ACOXL: variants seen among roughly 807,000 people sequenced by gnomAD.
The protein encoded by ACOXL is acyl-CoA oxidase like.
A neutral mutation model predicts 71.9 loss-of-function variants in ACOXL; 70 were observed. The ratio of observed to expected loss-of-function variants is 0.97; its 90% CI spans 0.80 to 1.19. The LOEUF (loss-of-function observed/expected upper bound fraction) is 1.19. Ranked by LOEUF, ACOXL falls within the 50% of genes most tolerant of loss-of-function variation. The pLI, the probability that ACOXL is intolerant of heterozygous loss-of-function variation, is 0.00. For missense variants in ACOXL, 703 were observed against 736.3 expected, an observed-to-expected ratio of 0.95 and a Z score of 0.52; for synonymous variants, 253 against 281.6, an observed-to-expected ratio of 0.90 and a Z score of 1.02.
chr2:111,076,245 G>T (rs972952665), intron 16 of ACOXL, among the ~76,000 whole-genome samples: 2 of 151,962 alleles, frequency 1.3e-5, no homozygotes, highest in Non-Finnish European at 2.9e-5. Context: ...TTTCCATTCT[G>T]TCTGGTTTTT....
At chr2:111,072,238 TTCTC>T (rs1361703778) in intron 16 of ACOXL, among the ~76,000 whole-genome samples, 78 of 152,220 alleles carry the variant, frequency 5.1e-4, no homozygotes, top group Non-Finnish European at 4.4e-5. Context: ...TCCATAATTG[TTCTC>T]TCTCTCTTCC....
intron 17 of ACOXL, among the ~76,000 whole-genome samples, chr2:111,111,931 A>T (rs2069995026): frequency 6.6e-6 from 1 of 152,236 alleles, no homozygotes; most frequent in South Asian, 2.1e-4. Flanking sequence ...GACATTGTCA[A>T]AATACTTAGT....
intron 10 of ACOXL, among the ~76,000 whole-genome samples, chr2:110,896,679 A>G (rs2059022023): frequency 6.6e-6 from 1 of 152,202 alleles, no homozygotes; most frequent in Admixed American, 6.5e-5. Context: ...TCAAGAAGAT[A>G]CAGTAATCTT....
intron 14 of ACOXL, among the ~76,000 whole-genome samples, chr2:111,001,482 A>G (rs1044160503): frequency 3.9e-5 from 6 of 152,250 alleles, no homozygotes; most frequent in African/African-American, 1.4e-4. Context: ...GGAAGAAGCA[A>G]GAACCCAGAG....
At chr2:110,975,394 G>A (rs1012184410) in intron 12 of ACOXL, among the ~76,000 whole-genome samples, 13 of 142,934 alleles carry the variant, frequency 9.1e-5, no homozygotes, top group South Asian at 4.7e-4. Flanking sequence ...CTTTTTTACC[G>A]TCTATGCATA....
Position 110,826,674 on chromosome 2 carries a change from C to T in ACOXL, c.754-14697C>T, listed in dbSNP as rs78194712. Among the ~76,000 whole-genome samples the T allele has an allele frequency of 2.9e-3, 445 of 151,684 alleles. 3 individuals carry two copies. The highest frequency in any genetic ancestry group is 0.021 in the Middle Eastern group (6 of 286). On this transcript the variant is annotated intron_variant, in intron 9 of 17. Coordinates refer to ENST00000439055, the MANE Select transcript of ACOXL (RefSeq NM_001142807.4). ...GCAATGGCCATATTGATGTTAAAAACATGTCATGTTAAAGTTAGAAGACAT... is the reference window on the plus strand; with the variant it reads ...GCAATGGCCATATTGATGTTAAAAATATGTCATGTTAAAGTTAGAAGACAT...
At chr2:110,738,122 A>G (rs1224774796) in intron 1 of ACOXL, among the ~76,000 whole-genome samples, 2 of 152,156 alleles carry the variant, frequency 1.3e-5, no homozygotes, top group Non-Finnish European at 2.9e-5. Context: ...TGCCATTGCT[A>G]TGAGGAAGTC....
intron 10 of ACOXL, among the ~76,000 whole-genome samples, chr2:110,865,126 G>A (rs959446683): frequency 1.3e-5 from 2 of 152,216 alleles, no homozygotes; most frequent in African/African-American, 4.8e-5. Flanking sequence ...TCTAGTTGCT[G>A]TGAAAATGCA....
chr2:111,007,847 T>C (rs975601133), intron 14 of ACOXL, among the ~76,000 whole-genome samples: 1 of 152,218 alleles, frequency 6.6e-6, no homozygotes, highest in African/African-American at 2.4e-5. Flanking sequence ...AATCATGAGT[T>C]TATACTGATA....
At chr2:110,900,212 A>G (rs1191741511) in intron 10 of ACOXL, among the ~76,000 whole-genome samples, 1 of 135,272 alleles carries the variant, frequency 7.4e-6, no homozygotes, top group Non-Finnish European at 1.7e-5. Context: ...GTCGAGTAGA[A>G]GAGACTTTAA....
At chr2:111,008,272 A>G (rs1464739799) in intron 14 of ACOXL, among the ~76,000 whole-genome samples, 1 of 152,192 alleles carries the variant, frequency 6.6e-6, no homozygotes, top group Non-Finnish European at 1.5e-5. Context: ...GCGAAATATT[A>G]CTAAGTTTCT....
rs17041838 is a variant in ACOXL at position 111,058,415 on chromosome 2, T to G, written c.1440+9127T>G. On this transcript the variant is annotated intron_variant, in intron 16 of 17. Coordinates refer to ENST00000439055, the MANE Select transcript of ACOXL (RefSeq NM_001142807.4). ...CACACAGTGAGGGGGATGTAAACAC[T>G]AAAGTTATATGGGAAGTCACGCTGG... 8.1e-3 allele frequency among the ~76,000 whole-genome samples: 1,230 copies of G among 152,240 alleles called. 15 individuals carry two copies. Among genetic ancestry groups the G allele is most frequent in the Middle Eastern group, 0.034 (10 of 294 alleles).
chr2:110,830,234 C>T (rs1689654168), intron 9 of ACOXL, among the ~76,000 whole-genome samples: 1 of 151,966 alleles, frequency 6.6e-6, no homozygotes, highest in African/African-American at 2.4e-5. Context: ...AGTCTTTTTC[C>T]ACCTTATCTT....
intron 9 of ACOXL, among the ~76,000 whole-genome samples, chr2:110,828,755 G>A (rs760968419): frequency 2.0e-5 from 3 of 152,140 alleles, no homozygotes; most frequent in Non-Finnish European, 2.9e-5. Flanking sequence ...GGGCTGGGGG[G>A]TGGAATTAAG....
chr2:110,921,635 T>C (rs1449255626), intron 11 of ACOXL, among the ~76,000 whole-genome samples: 2 of 152,018 alleles, frequency 1.3e-5, no homozygotes, highest in Non-Finnish European at 2.9e-5. Context: ...CCTCGTGATC[T>C]GCCCGCCTTG....
intron 10 of ACOXL, among the ~76,000 whole-genome samples, chr2:110,905,853 A>G (rs777735597): frequency 6.6e-6 from 1 of 152,144 alleles, no homozygotes; most frequent in East Asian, 1.9e-4. Flanking sequence ...TTACCTGGGA[A>G]CTCAGCAGTG....
rs3838221 is a variant in ACOXL at position 111,048,654 on chromosome 2, C to CT, written c.1370-553dup. Among the ~76,000 whole-genome samples the CT allele has an allele frequency of 7.8e-3, 1,159 of 148,336 alleles. 10 individuals are homozygous for CT. The highest frequency in any genetic ancestry group is 0.045 in the East Asian group (230 of 5,096). ...GGCCAATTTCAATGGATTACTAAAA[C>CT]TTTTTTTTTTTCTCGTAAATCTTCT... On this transcript the variant is annotated intron_variant, in intron 15 of 17. Coordinates refer to ENST00000439055, the MANE Select transcript of ACOXL (RefSeq NM_001142807.4).
At chr2:110,793,552 C>A in intron 3 of ACOXL, 98 bp from the exon 4 acceptor site, 1 of 1,117,100 alleles carries the variant, frequency 9.0e-7, no homozygotes, top group Non-Finnish European at 1.4e-6. Flanking sequence ...GCACAGGGGG[C>A]TGAATAGCTG....
chr2:110,872,163 C>G (rs1695356684), intron 10 of ACOXL, among the ~76,000 whole-genome samples: 1 of 152,182 alleles, frequency 6.6e-6, no homozygotes, highest in Admixed American at 6.5e-5. Flanking sequence ...GGCTGGACTT[C>G]CTGGCACTGT....
Sources: allele counts gnomAD v4.1 joint callset (sites outside exome capture counted in the v4.1 genomes callset), GRCh38; gene constraint gnomAD v4.1.1; transcripts MANE v1.5; gene names NCBI Gene and HGNC (gene_info 2026-07-23, HGNC 2026-07-21).